CAMK4: variants seen among roughly 807,000 people sequenced by gnomAD.
The protein encoded by CAMK4 is calcium/calmodulin-dependent protein kinase type IV.
Under a neutral mutation model 44.9 loss-of-function variants are expected in CAMK4, and 22 were observed. That is an observed-to-expected ratio of 0.49 (90% CI 0.35 to 0.70). The LOEUF (loss-of-function observed/expected upper bound fraction) is 0.70, where lower values mean the gene tolerates loss of function less well. CAMK4 is among the 30% of genes least tolerant of loss of function. The pLI, the probability that CAMK4 is intolerant of heterozygous loss-of-function variation, is 0.01. For synonymous variants in CAMK4, 218 were observed against 215.4 expected (o/e 1.01, Z -0.11); for missense variants, 498 against 586.8 (o/e 0.85, Z 1.56).
chr5:111,253,849 C>G (rs1228778851), intron 1 of CAMK4, among the ~76,000 whole-genome samples: 1 of 152,182 alleles, frequency 6.6e-6, no homozygotes, highest in African/African-American at 2.4e-5. Context: ...ATAAGACTGT[C>G]ATTATCAGCT....
intron 3 of CAMK4, 23 bp from the exon 4 acceptor site, chr5:111,376,837 C>A: frequency 7.1e-7 from 1 of 1,399,482 alleles, no homozygotes. Flanking sequence ...TTGTGATATT[C>A]TTTTTTTTAT....
chr5:111,425,449 A>C (rs372399271), intron 5 of CAMK4, among the ~76,000 whole-genome samples: 8 of 152,198 alleles, frequency 5.3e-5, no homozygotes, highest in African/African-American at 1.4e-4. Flanking sequence ...AAATGCAAGC[A>C]CCTGCCACCT....
intron 2 of CAMK4, among the ~76,000 whole-genome samples, chr5:111,353,782 T>C (rs1254746639): frequency 2.0e-4 from 31 of 152,062 alleles, no homozygotes. Context: ...TGCTTAGGAA[T>C]AAATTTAAGG....
chr5:111,331,467 T>C (rs1404244699), intron 1 of CAMK4, among the ~76,000 whole-genome samples: 3 of 151,762 alleles, frequency 2.0e-5, no homozygotes, highest in African/African-American at 7.3e-5. Flanking sequence ...ACTAGAACTC[T>C]CATACCCTGC....
intron 1 of CAMK4, among the ~76,000 whole-genome samples, chr5:111,299,211 G>A (rs1047394767): frequency 6.6e-6 from 1 of 152,226 alleles, no homozygotes; most frequent in Non-Finnish European, 1.5e-5. Context: ...TGTAGTGCAG[G>A]CTCACAACTC....
At position 111,429,777 on chromosome 5, in the gene CAMK4, CAAAAAAAAAAAAAAAA is replaced by C. The variant is rs70973607; in HGVS notation, c.460-16893_460-16878del. The stretch of plus-strand genomic sequence containing the variant: ...TGGGTGACAGAGTGAGACCTCATCT[CAAAAAAAAAAAAAAAA>C]AAAAAAAAAAAAAAAGCCGTAATAA... On this transcript the variant is annotated intron_variant, in intron 5 of 10. Transcript: ENST00000282356. Among the ~76,000 whole-genome samples, 15 of 26,352 alleles carry C rather than the reference CAAAAAAAAAAAAAAAA, an allele frequency of 5.7e-4. No individual in the cohort carries two copies. In the South Asian group the frequency reaches 0.025, roughly 44 times the overall value. 17.3% of individuals were successfully genotyped at this position (26,352 alleles called of 152,430 possible).
chr5:111,343,676 G>GCT (rs1749736215), intron 1 of CAMK4, among the ~76,000 whole-genome samples: 1 of 151,702 alleles, frequency 6.6e-6, no homozygotes, highest in Non-Finnish European at 1.5e-5. Context: ...CTTTAGGAAA[G>GCT]CTCTGGGATT....
chr5:111,336,355 CTG>C (rs1475750196), intron 1 of CAMK4, among the ~76,000 whole-genome samples: 5 of 151,106 alleles, frequency 3.3e-5, no homozygotes, highest in African/African-American at 7.3e-5. Flanking sequence ...TAAAAATTAA[CTG>C]TTAATATGCT....
intron 5 of CAMK4, among the ~76,000 whole-genome samples, chr5:111,445,058 C>T (rs1421407200): frequency 6.6e-6 from 1 of 152,160 alleles, no homozygotes; most frequent in South Asian, 2.1e-4. Flanking sequence ...AATAAAAATG[C>T]TGTATGCCTT....
In CAMK4 at chr5:111,478,169, G is replaced by A. The variant is rs528866198; in HGVS notation, c.702-212G>A. Among the ~76,000 whole-genome samples the A allele has an allele frequency of 1.3e-4, 20 of 151,224 alleles. No homozygotes were observed. The South Asian group carries it at 3.8e-3, about 29-fold the overall frequency. On this transcript the variant is annotated intron_variant, in intron 8 of 10. Transcript: ENST00000282356. Reference sequence around the variant, plus strand: ...AGCTTTTTGTAGAAATCCTAAGTTGGTTTTATATTAATTCCTACTTCCTGA... The same window carrying A: ...AGCTTTTTGTAGAAATCCTAAGTTGATTTTATATTAATTCCTACTTCCTGA...
intron 7 of CAMK4, among the ~76,000 whole-genome samples, chr5:111,459,435 G>A (rs1388870564): frequency 6.6e-6 from 1 of 152,186 alleles, no homozygotes; most frequent in East Asian, 1.9e-4. Context: ...AGCAAGGAAA[G>A]AGAAGGAAGA....
chr5:111,309,525 A>G (rs1175944127), intron 1 of CAMK4, among the ~76,000 whole-genome samples: 1 of 152,174 alleles, frequency 6.6e-6, no homozygotes, highest in East Asian at 1.9e-4. Flanking sequence ...TCCTTAAGCT[A>G]AAGTCAAATC....
intron 1 of CAMK4, among the ~76,000 whole-genome samples, chr5:111,251,940 C>A (rs1447439098): frequency 6.6e-6 from 1 of 151,960 alleles, no homozygotes; most frequent in East Asian, 1.9e-4. Context: ...CTAATGAACT[C>A]AGATAGATTT....
At chr5:111,472,276 A>G (rs140822648) in intron 7 of CAMK4, among the ~76,000 whole-genome samples, 2 of 152,000 alleles carry the variant, frequency 1.3e-5, no homozygotes, top group Non-Finnish European at 2.9e-5. Flanking sequence ...TTGCATTCCA[A>G]CCCCTATCCC....
At chr5:111,317,321 T>A (rs1037207711) in intron 1 of CAMK4, among the ~76,000 whole-genome samples, 1 of 152,134 alleles carries the variant, frequency 6.6e-6, no homozygotes, top group Non-Finnish European at 1.5e-5. Context: ...CCTAGTTAGA[T>A]CTATATAGTG....
intron 1 of CAMK4, among the ~76,000 whole-genome samples, chr5:111,239,149 G>A (rs148011820): frequency 1.3e-5 from 2 of 152,060 alleles, no homozygotes; most frequent in African/African-American, 2.4e-5. Flanking sequence ...CAGCTCACAC[G>A]ATCACTTTGG....
At chr5:111,332,824 T>A (rs1267882566) in intron 1 of CAMK4, among the ~76,000 whole-genome samples, 1 of 151,498 alleles carries the variant, frequency 6.6e-6, no homozygotes, top group Non-Finnish European at 1.5e-5. Context: ...CATTAGAAAA[T>A]TACAACCAAA....
chr5:111,319,423 G>C (rs1384282648), intron 1 of CAMK4, among the ~76,000 whole-genome samples: 1 of 152,116 alleles, frequency 6.6e-6, no homozygotes, highest in African/African-American at 2.4e-5. Flanking sequence ...TTTATCAGCT[G>C]TATATCATAA....
chr5:111,308,520 C>T (rs1034855949), intron 1 of CAMK4, among the ~76,000 whole-genome samples: 1 of 152,148 alleles, frequency 6.6e-6, no homozygotes, highest in African/African-American at 2.4e-5. Flanking sequence ...CTACAAGCTA[C>T]AAAATTTGCA....
Sources: gnomAD v4.1 joint callset for allele counts (sites outside exome capture counted in the v4.1 genomes callset) on GRCh38, gnomAD v4.1.1 for gene constraint, MANE v1.5 for transcripts, NCBI Gene and HGNC (gene_info 2026-07-23, HGNC 2026-07-21) for gene names.